LAMA2: variants seen among roughly 807,000 people sequenced by gnomAD.
LAMA2 encodes the protein laminin subunit alpha-2.
LAMA2 carries 269 observed loss-of-function variants against 364.8 expected under a neutral mutation model. The observed-to-expected ratio is 0.74, with a 90% confidence interval of 0.67 to 0.82. LAMA2 has a LOEUF of 0.82. LAMA2 is among the 40% of genes least tolerant of loss of function. LAMA2 has a pLI of 0.00. For synonymous variants in LAMA2, 1,379 were observed against 1,370.6 expected (o/e 1.01, Z -0.14); for missense variants, 3,807 against 3,873.2 (o/e 0.98, Z 0.45).
chr6:129,292,635 C>A (rs1789790279), intron 20 of LAMA2, among the ~76,000 whole-genome samples: 1 of 152,200 alleles, frequency 6.6e-6, no homozygotes. Flanking sequence ...AGCGCTTTCA[C>A]AAAAATACAT....
chr6:129,399,040 A>T (rs773560203), intron 37 of LAMA2, among the ~76,000 whole-genome samples: 2 of 152,224 alleles, frequency 1.3e-5, no homozygotes, highest in Non-Finnish European at 2.9e-5. Context: ...TGTGTAGTTC[A>T]ACAGGCTGTG....
chr6:128,929,316 C>A, intron 1 of LAMA2: 1 of 1,216,312 alleles, frequency 8.2e-7, no homozygotes, highest in Non-Finnish European at 1.2e-6. Context: ...AGCTCACTCT[C>A]ACAGAGCCAA....
chr6:129,172,767 C>T (rs1436652006), intron 9 of LAMA2, among the ~76,000 whole-genome samples: 2 of 152,240 alleles, frequency 1.3e-5, no homozygotes, highest in Non-Finnish European at 2.9e-5. Context: ...GCCCCTCCCC[C>T]AGCCTCGCTG....
At chr6:129,342,229 G>A in intron 29 of LAMA2, 114 bp from the exon 30 acceptor site, 2 of 834,282 alleles carry the variant, frequency 2.4e-6, no homozygotes, top group South Asian at 2.8e-5. Flanking sequence ...GTGTGTGTGT[G>A]TAAGAAAGTA....
chr6:129,009,047 A>G lies in LAMA2; in HGVS notation c.113-40871A>G, dbSNP rs188734759. On this transcript the variant is annotated intron_variant, in intron 1 of 64. Coordinates refer to ENST00000421865, the MANE Select transcript of LAMA2 (RefSeq NM_000426.4). Reference sequence around the variant, plus strand: ...GAGAATATCTTCATTCATGTTAAACATATCAATATCTCAAGTAAGTATGAT... The same window carrying G: ...GAGAATATCTTCATTCATGTTAAACGTATCAATATCTCAAGTAAGTATGAT... 3.9e-4 allele frequency among the ~76,000 whole-genome samples: 60 copies of G among 152,308 alleles called. 1 individual carries two copies. The highest frequency in any genetic ancestry group is 7.8e-4 in the Non-Finnish European group (53 of 68,020).
At chr6:129,496,186 G>A (rs1785177430) in intron 58 of LAMA2, among the ~76,000 whole-genome samples, 1 of 152,050 alleles carries the variant, frequency 6.6e-6, no homozygotes, top group Admixed American at 6.6e-5. Flanking sequence ...TGTTTTTTGA[G>A]ATGGAGTTTC....
intron 20 of LAMA2, among the ~76,000 whole-genome samples, chr6:129,296,492 C>A (rs1022529210): frequency 1.3e-5 from 2 of 151,926 alleles, no homozygotes; most frequent in African/African-American, 4.8e-5. Context: ...ACTCAGTCAA[C>A]CCATTTTACA....
At chr6:128,949,784 T>C (rs1250793703) in intron 1 of LAMA2, among the ~76,000 whole-genome samples, 1 of 152,224 alleles carries the variant, frequency 6.6e-6, no homozygotes, top group East Asian at 1.9e-4. Flanking sequence ...GTAGACATAT[T>C]TAAAATGTTC....
chr6:129,084,099 A>G (rs967200115), intron 3 of LAMA2, among the ~76,000 whole-genome samples: 40 of 152,188 alleles, frequency 2.6e-4, no homozygotes, highest in African/African-American at 9.4e-4. Flanking sequence ...ACAAGTTAAT[A>G]TGTCACTCTG....
chr6:129,221,403 A>T (rs1473214996), intron 12 of LAMA2, among the ~76,000 whole-genome samples: 1 of 111,182 alleles, frequency 9.0e-6, no homozygotes, highest in Non-Finnish European at 1.6e-5. Context: ...CTGATAGACC[A>T]AAAAAAAAAA....
At chr6:129,030,606 C>T (rs1015805754) in intron 1 of LAMA2, among the ~76,000 whole-genome samples, 1 of 152,130 alleles carries the variant, frequency 6.6e-6, no homozygotes, top group East Asian at 1.9e-4. Context: ...CAGTGCTACA[C>T]ATTTATTATG....
At chr6:128,929,823 T>C in intron 1 of LAMA2, 2 of 1,045,696 alleles carry the variant, frequency 1.9e-6, no homozygotes, top group Non-Finnish European at 3.0e-6. Flanking sequence ...TGGTAGAAGA[T>C]ACGCAGTCCC....
rs577079769 is a variant in LAMA2 at position 128,893,674 on chromosome 6, T to G, written c.112+10317T>G. On this transcript the variant is annotated intron_variant, in intron 1 of 64. Transcript: ENST00000421865. Reference sequence around the variant, plus strand: ...AGCCTAAGGGCTCTGAAACATTCTATGTCAAGATTCCTTTTTATCCTCTTA... The same window carrying G: ...AGCCTAAGGGCTCTGAAACATTCTAGGTCAAGATTCCTTTTTATCCTCTTA... Among the ~76,000 whole-genome samples, 29 of 152,074 alleles carry G rather than the reference T, an allele frequency of 1.9e-4. 2 individuals are homozygous for G. In the South Asian group the frequency reaches 6.0e-3, roughly 31 times the overall value.
chr6:129,088,331 C>A (rs1259298932), intron 3 of LAMA2, among the ~76,000 whole-genome samples: 1 of 151,934 alleles, frequency 6.6e-6, no homozygotes, highest in Non-Finnish European at 1.5e-5. Context: ...ATTTCTCTAT[C>A]TTTTCCCCAC....
intron 45 of LAMA2, among the ~76,000 whole-genome samples, chr6:129,449,604 A>C (rs935312401): frequency 2.0e-5 from 3 of 152,190 alleles, no homozygotes; most frequent in Non-Finnish European, 4.4e-5. Flanking sequence ...GTTACTCTGT[A>C]GGATTAATTG....
intron 4 of LAMA2, among the ~76,000 whole-genome samples, chr6:129,100,662 C>G (rs1289256748): frequency 6.6e-6 from 1 of 152,102 alleles, no homozygotes; most frequent in Non-Finnish European, 1.5e-5. Context: ...AATCGCTAAA[C>G]TTAAAAATGG....
intron 20 of LAMA2, chr6:129,292,965 G>A: frequency 4.1e-6 from 4 of 985,908 alleles, no homozygotes; most frequent in Non-Finnish European, 4.8e-6. Flanking sequence ...CCAACAGGAG[G>A]AGCAGCCGCG....
intron 1 of LAMA2, among the ~76,000 whole-genome samples, chr6:128,884,265 AAC>A (rs1171429452): frequency 1.3e-5 from 2 of 152,202 alleles, no homozygotes; most frequent in Non-Finnish European, 2.9e-5. Context: ...CATACTTTGT[AAC>A]ACATTATTTC....
Position 129,051,569 on chromosome 6 carries a change from C to T in LAMA2, c.283+1481C>T, listed in dbSNP as rs148532059. 1.3e-3 allele frequency among the ~76,000 whole-genome samples: 190 copies of T among 149,562 alleles called. 6 individuals are homozygous for T. In the East Asian group the frequency reaches 0.035, roughly 27 times the overall value. On this transcript the variant is annotated intron_variant, in intron 2 of 64. Coordinates refer to ENST00000421865, the MANE Select transcript of LAMA2 (RefSeq NM_000426.4). ...TCAAGTGATCACCCGCTTCAGCCTC[C>T]CAATAGATATATTTTTTGTTAATAT...
Sources: allele counts gnomAD v4.1 joint callset (sites outside exome capture counted in the v4.1 genomes callset), GRCh38; gene constraint gnomAD v4.1.1; transcripts MANE v1.5; gene names NCBI Gene and HGNC (gene_info 2026-07-23, HGNC 2026-07-21).